Variants in BIRC6 observed in about 807,000 individuals in gnomAD.
BIRC6 encodes the protein dual E2 ubiquitin-conjugating enzyme/E3 ubiquitin-protein ligase BIRC6.
BIRC6 carries 98 observed loss-of-function variants against 503.3 expected under a neutral mutation model. That is an observed-to-expected ratio of 0.19 (90% CI 0.17 to 0.23). BIRC6 has a LOEUF of 0.23. Among genes scored for constraint, BIRC6 ranks in the 10% least tolerant of loss-of-function variants. BIRC6 has a pLI of 1.00. For missense variants in BIRC6, 5,360 were observed against 5,806.0 expected (o/e 0.92, Z 2.50); for synonymous variants, 2,240 against 2,078.7 (o/e 1.08, Z -2.11).
chr2:32,501,645 A>G (rs2053209571), intron 46 of BIRC6, 68 bp from the exon 47 acceptor site: 1 of 1,348,994 alleles, frequency 7.4e-7, no homozygotes, highest in Non-Finnish European at 1.0e-6. Flanking sequence ...TGTTGAGATT[A>G]CAGGCATGAG....
At chr2:32,458,039 A>G (rs1163839964) in intron 23 of BIRC6, among the ~76,000 whole-genome samples, 1 of 152,200 alleles carries the variant, frequency 6.6e-6, no homozygotes, top group Non-Finnish European at 1.5e-5. Flanking sequence ...ATTAAACAAT[A>G]TAATATAGAA....
At chr2:32,593,716 C>G (rs192970766) in intron 66 of BIRC6, among the ~76,000 whole-genome samples, 199 bp from the exon 67 acceptor site, 3 of 152,186 alleles carry the variant, frequency 2.0e-5, no homozygotes, top group Admixed American at 2.0e-4. Context: ...TATATAATGT[C>G]TGTCTCTTCT....
At chr2:32,576,407 A>T (rs1045327382) in intron 66 of BIRC6, among the ~76,000 whole-genome samples, 24 of 152,138 alleles carry the variant, frequency 1.6e-4, no homozygotes, top group African/African-American at 5.6e-4. Context: ...CTGTTCAGTG[A>T]CCTTTTCCTT....
At chr2:32,532,531 A>C (rs6735889) in intron 61 of BIRC6, among the ~76,000 whole-genome samples, 11,099 of 152,204 alleles carry the variant, frequency 0.073, 566 homozygotes, top group Non-Finnish European at 0.11. Context: ...CCTGCAAACC[A>C]TTATCTCCTC....
chr2:32,405,049 A>G (rs1432702137), intron 8 of BIRC6, among the ~76,000 whole-genome samples: 67 of 152,314 alleles, frequency 4.4e-4, no homozygotes, highest in Non-Finnish European at 8.8e-5. Flanking sequence ...AAATATCAAG[A>G]CACCTGAATT....
intron 49 of BIRC6, among the ~76,000 whole-genome samples, chr2:32,503,682 A>G (rs951873554): frequency 4.6e-5 from 7 of 151,810 alleles, no homozygotes; most frequent in African/African-American, 7.3e-5. Flanking sequence ...TCGGCCTCCC[A>G]AAGTGCTGGG....
At position 32,603,027 on chromosome 2, in the gene BIRC6, A is replaced by T; in HGVS notation, c.14014A>T (p.Thr4672Ser). The T allele has an allele frequency of 6.2e-7, 1 of 1,611,662 alleles. No individual in the cohort carries two copies. The highest frequency in any genetic ancestry group is 8.5e-7 in the Non-Finnish European group (1 of 1,179,232). ...TCAGGTTTGTTTAAGCATCTTAAACACGTGGCATGGAAGACCAGAAGAGAA... is the reference window on the plus strand; with the variant it reads ...TCAGGTTTGTTTAAGCATCTTAAACTCGTGGCATGGAAGACCAGAAGAGAA... ...DGKVCLSILN[T>S]WHGRPEEKWN... The change falls in exon 71 of 74, where the codon ACG (threonine) becomes TCG (serine). Residue 4672 changes from threonine (T) to serine (S), a missense_variant. Transcript: ENST00000421745.
chr2:32,544,984 T>C (rs1189904073), intron 62 of BIRC6, among the ~76,000 whole-genome samples: 1 of 152,024 alleles, frequency 6.6e-6, no homozygotes, highest in Non-Finnish European at 1.5e-5. Flanking sequence ...GAATGTGTAA[T>C]AAGAACCATG....
Position 32,455,997 on chromosome 2 carries a change from G to A in BIRC6, c.4753+2055G>A, listed in dbSNP as rs528961536. On this transcript the variant is annotated intron_variant, in intron 23 of 73. Coordinates refer to ENST00000421745, the MANE Select transcript of BIRC6 (RefSeq NM_016252.4). ...GTTAATATTAATATAATATCTATGC[G>A]GAAAAGTGCAGAAAATAATTGCATA... Among the ~76,000 whole-genome samples, 15 of 152,168 alleles carry A rather than the reference G, an allele frequency of 9.9e-5. No homozygotes were observed. In the South Asian group the frequency reaches 2.9e-3, roughly 29 times the overall value.
chr2:32,505,100 T>C lies in BIRC6; in HGVS notation c.9595T>C (p.Tyr3199His). 1 of 1,611,750 alleles carries C rather than the reference T, an allele frequency of 6.2e-7. No individual in the cohort carries two copies. Among genetic ancestry groups the C allele is most frequent in the Non-Finnish European group, 8.5e-7 (1 of 1,178,868 alleles). The change falls in exon 50 of 74, where the codon TAC (tyrosine) becomes CAC (histidine). Residue 3199 changes from tyrosine to histidine, a missense_variant. Tyr to His is a moderately conservative substitution (Grantham distance 83). Coordinates refer to ENST00000421745, the MANE Select transcript of BIRC6 (RefSeq NM_016252.4). ...HRRARSAAWSYIFLPEEAWCD... is the reference protein window; with the variant it reads ...HRRARSAAWSHIFLPEEAWCD... ...AAGAGCTCGCTCTGCTGCTTGGTCC[T>C]ACATCTTTCTTCCAGAGGAGGCTTG...
chr2:32,469,295 C>A, intron 29 of BIRC6, 100 bp from the exon 30 acceptor site: 1 of 838,836 alleles, frequency 1.2e-6, no homozygotes, highest in South Asian at 2.0e-5. Flanking sequence ...TAATTATCTA[C>A]TGATTACTAG....
chr2:32,447,006 C>T (rs1419846077), intron 21 of BIRC6, among the ~76,000 whole-genome samples: 7 of 115,464 alleles, frequency 6.1e-5, no homozygotes, highest in African/African-American at 1.7e-4. Flanking sequence ...CATCTTGCAC[C>T]GCCCTTAATC....
chr2:32,499,074 ATATCTT>A (rs2052836359), intron 45 of BIRC6, among the ~76,000 whole-genome samples: 1 of 152,200 alleles, frequency 6.6e-6, no homozygotes, highest in African/African-American at 2.4e-5. Context: ...TCAGCATTCT[ATATCTT>A]AGGCATAAAC....
intron 12 of BIRC6, 145 bp from the exon 13 acceptor site, chr2:32,433,499 A>AT: frequency 1.7e-6 from 1 of 576,934 alleles, no homozygotes; most frequent in Non-Finnish European, 2.9e-6. Flanking sequence ...ATTGGGAGCT[A>AT]TTTTCTCTCT....
In BIRC6 at chr2:32,390,522, C is replaced by T. The variant is rs1284452269; in HGVS notation, c.840-1517C>T. ...TAAAGACAGGGTTTCACCATGTTGG[C>T]CAGGCTGGTCTCGAACTCCTGACCT... On this transcript the variant is annotated intron_variant, in intron 4 of 73. Transcript: ENST00000421745. Among the ~76,000 whole-genome samples, 11 of 151,880 alleles carry T rather than the reference C, an allele frequency of 7.2e-5. No homozygotes were observed. In the East Asian group the frequency reaches 2.1e-3, roughly 30 times the overall value.
intron 57 of BIRC6, among the ~76,000 whole-genome samples, chr2:32,521,380 A>AAAAAAG (rs1437605888): frequency 6.8e-6 from 1 of 147,668 alleles, no homozygotes; most frequent in Non-Finnish European, 1.5e-5. Context: ...AAAAAAAAAA[A>AAAAAAG]AAAAAAAAAA....
chr2:32,566,241 A>G (rs566637910), intron 65 of BIRC6: 1 of 152,268 alleles, frequency 6.6e-6, no homozygotes, highest in East Asian at 1.9e-4. Context: ...TTAGTAATTA[A>G]AACAGTTGCA....
intron 66 of BIRC6, among the ~76,000 whole-genome samples, chr2:32,582,635 C>T (rs542385621): frequency 2.6e-5 from 4 of 152,116 alleles, no homozygotes; most frequent in South Asian, 4.2e-4. Flanking sequence ...TGTGGTGGCA[C>T]GCACCCGTAA....
At chr2:32,492,740 A>G (rs910751429) in intron 44 of BIRC6, among the ~76,000 whole-genome samples, 1 of 152,048 alleles carries the variant, frequency 6.6e-6, no homozygotes. Flanking sequence ...AAGCTTTCCT[A>G]CTGATACCTT....
Sources: allele counts gnomAD v4.1 joint callset (sites outside exome capture counted in the v4.1 genomes callset), GRCh38; gene constraint gnomAD v4.1.1; transcripts MANE v1.5; gene names NCBI Gene and HGNC (gene_info 2026-07-23, HGNC 2026-07-21).